The following TOPAZ1 variants were observed in gnomAD, a reference collection of about 807,000 sequenced individuals.
The protein encoded by TOPAZ1 is testis and ovary specific TOPAZ 1.
TOPAZ1 carries 66 observed loss-of-function variants against 172.2 expected under a neutral mutation model. The observed-to-expected ratio is 0.38, with a 90% CI of 0.31 to 0.47. The LOEUF is 0.47. Ranked by LOEUF, TOPAZ1 falls within the 20% of genes least tolerant of loss-of-function variation. The probability of loss-of-function intolerance (pLI) is 0.99; values close to 1 mark genes in which losing one functional copy is unlikely to be tolerated. For missense variants in TOPAZ1, 1,822 were observed against 1,972.4 expected (o/e 0.92, Z 1.44); for synonymous variants, 681 against 683.9 (o/e 1.00, Z 0.07).
At chr3:44,331,680 A>G (rs552116458) in intron 19 of TOPAZ1, 112 bp from the exon 20 acceptor site, 5 of 885,956 alleles carry the variant, frequency 5.6e-6, no homozygotes, top group African/African-American at 3.4e-5. Context: ...TTAGAAGAAC[A>G]TGGTGAGAAG....
chr3:44,243,828 C>T lies in TOPAZ1; in HGVS notation c.1322C>T (p.Ala441Val). The change falls in exon 2 of 20, where the codon GCA (alanine) becomes GTA (valine). Residue 441 changes from alanine (A) to valine (V), a missense_variant. Physicochemically the swap from Ala to Val is moderately conservative, Grantham distance 64. Transcript: ENST00000309765. ...ASEPLGYESMASKEDFKSMKS... is the reference protein window; with the variant it reads ...ASEPLGYESMVSKEDFKSMKS... ...GAGCCGTTAGGTTATGAAAGCATGG[C>T]ATCGAAAGAGGATTTTAAATCGATG... 6.4e-7 allele frequency: 1 copy of T among 1,551,636 alleles called. No homozygotes were observed. The highest frequency in any genetic ancestry group is 1.2e-5 in the South Asian group (1 of 84,000).
intron 17 of TOPAZ1, among the ~76,000 whole-genome samples, chr3:44,321,536 A>T (rs1011519646): frequency 2.6e-5 from 4 of 152,198 alleles, no homozygotes; most frequent in Non-Finnish European, 5.9e-5. Context: ...CTTAGTTTAC[A>T]TTACCTAGGA....
In TOPAZ1 at chr3:44,244,523, C is replaced by G. The variant is rs17646517; in HGVS notation, c.2017C>G (p.Pro673Ala). 0.021 allele frequency: 32,670 copies of G among 1,551,170 alleles called. 426 individuals are homozygous for G. The highest frequency in any genetic ancestry group is 0.024 in the Non-Finnish European group (27,251 of 1,146,850). ...ACIAQQTFIVPDLVKILNTGR... is the reference protein window; with the variant it reads ...ACIAQQTFIVADLVKILNTGR... ...CATTGCTCAACAAACATTTATAGTT[C>G]CAGACTTGGTTAAAATATTGAACAC... Residue 673 changes from proline to alanine, a missense_variant, in exon 2 of 20, where the codon CCA becomes GCA. This residue lies in a region of TOPAZ1 where 1,489 missense variants were observed against 1,490.8 expected (regional missense o/e 1.00). Coordinates refer to ENST00000309765, the MANE Select transcript of TOPAZ1 (RefSeq NM_001145030.2).
At chr3:44,251,432 T>C (rs960562393) in intron 2 of TOPAZ1, among the ~76,000 whole-genome samples, 2 of 152,200 alleles carry the variant, frequency 1.3e-5, no homozygotes, top group African/African-American at 4.8e-5. Context: ...CTAAACTTTT[T>C]CCTTGGGCAA....
intron 9 of TOPAZ1, among the ~76,000 whole-genome samples, chr3:44,285,426 A>G (rs1032828431): frequency 2.0e-5 from 3 of 152,120 alleles, no homozygotes; most frequent in Admixed American, 6.6e-5. Flanking sequence ...AGATCACAAC[A>G]CTGCACTCCA....
chr3:44,256,799 C>T (rs1203077929), intron 4 of TOPAZ1, among the ~76,000 whole-genome samples: 1 of 152,092 alleles, frequency 6.6e-6, no homozygotes, highest in Non-Finnish European at 1.5e-5. Context: ...ATCTGGCCCC[C>T]AAATTTGGGA....
chr3:44,272,786 C>T (rs997438406), intron 8 of TOPAZ1, among the ~76,000 whole-genome samples: 2 of 152,212 alleles, frequency 1.3e-5, no homozygotes, highest in Non-Finnish European at 2.9e-5. Context: ...GTCCCCATCT[C>T]CTGACCTCAT....
At chr3:44,331,197 A>G (rs1245334620) in intron 19 of TOPAZ1, among the ~76,000 whole-genome samples, 1 of 152,180 alleles carries the variant, frequency 6.6e-6, no homozygotes, top group South Asian at 2.1e-4. Context: ...GTTGCAGACT[A>G]TTTGTGTGGT....
At chr3:44,314,979 A>T (rs570147577) in intron 16 of TOPAZ1, among the ~76,000 whole-genome samples, 1 of 152,108 alleles carries the variant, frequency 6.6e-6, no homozygotes, top group Non-Finnish European at 1.5e-5. Flanking sequence ...TCGCTCCCCC[A>T]CTGCGTTCTT....
chr3:44,302,325 G>A (rs1167322069), intron 12 of TOPAZ1, among the ~76,000 whole-genome samples: 2 of 152,140 alleles, frequency 1.3e-5, no homozygotes, highest in African/African-American at 4.8e-5. Flanking sequence ...TAGGAGAATG[G>A]CGTGAACCCA....
chr3:44,267,229 G>A (rs1366054120), intron 6 of TOPAZ1, 93 bp downstream of exon 6: 24 of 886,330 alleles, frequency 2.7e-5, no homozygotes, highest in South Asian at 1.2e-4. Context: ...GATTAAAAAA[G>A]AAAAATGGAA....
At chr3:44,260,177 C>T (rs1000125651) in intron 4 of TOPAZ1, among the ~76,000 whole-genome samples, 4 of 152,178 alleles carry the variant, frequency 2.6e-5, no homozygotes, top group African/African-American at 9.7e-5. Flanking sequence ...GTCAATTAAA[C>T]CTCTTTCCTT....
At position 44,317,153 on chromosome 3, in the gene TOPAZ1, G is replaced by A. The variant is rs1316671219; in HGVS notation, c.4307-3874G>A. Among the ~76,000 whole-genome samples, 5 of 152,198 alleles carry A rather than the reference G, an allele frequency of 3.3e-5. No individual in the cohort carries two copies. In the South Asian group the frequency reaches 8.3e-4, roughly 25 times the overall value. Reference sequence around the variant, plus strand: ...ATGTATACCTTGGCTGGGCTTGGTGGCTCACGCCTGTAATCCCAGCACTTT... The same window carrying A: ...ATGTATACCTTGGCTGGGCTTGGTGACTCACGCCTGTAATCCCAGCACTTT... On this transcript the variant is annotated intron_variant, in intron 16 of 19. Transcript: ENST00000309765.
chr3:44,245,394 T>A, intron 2 of TOPAZ1, 123 bp downstream of exon 2: 1 of 991,756 alleles, frequency 1.0e-6, no homozygotes, highest in Non-Finnish European at 1.4e-6. Flanking sequence ...AATTATTTAT[T>A]AAATGTTATA....
chr3:44,336,308 T>C (rs561771135), downstream of TOPAZ1, among the ~76,000 whole-genome samples: 5 of 152,224 alleles, frequency 3.3e-5, no homozygotes, highest in Non-Finnish European at 7.3e-5. Context: ...AGCCTTTCAT[T>C]TTACAAGGGA....
Position 44,320,661 on chromosome 3 carries a change from T to C in TOPAZ1, c.4307-366T>C, listed in dbSNP as rs1461956966. 3.3e-5 allele frequency among the ~76,000 whole-genome samples: 5 copies of C among 152,330 alleles called. No individual in the cohort carries two copies. In the East Asian group the frequency reaches 5.8e-4, roughly 18 times the overall value. The stretch of plus-strand genomic sequence containing the variant: ...GTAATACCAAAAACTAATTAAATTA[T>C]TTATTGTGAAATTGTTAAACTTGTC... On this transcript the variant is annotated intron_variant, in intron 16 of 19. Coordinates refer to ENST00000309765, the MANE Select transcript of TOPAZ1 (RefSeq NM_001145030.2).
intron 6 of TOPAZ1, 36 bp from the exon 7 acceptor site, chr3:44,269,180 A>C: frequency 9.1e-7 from 1 of 1,098,034 alleles, no homozygotes; most frequent in Non-Finnish European, 1.4e-6. Context: ...AAGTTGTAAC[A>C]TATTGGTGTG....
chr3:44,285,519 T>C (rs1257415377), intron 9 of TOPAZ1, among the ~76,000 whole-genome samples: 1 of 152,072 alleles, frequency 6.6e-6, no homozygotes, highest in African/African-American at 2.4e-5. Flanking sequence ...TCAAAATGTA[T>C]TAAAATGTTC....
At chr3:44,288,343 C>T (rs974606859) in intron 11 of TOPAZ1, among the ~76,000 whole-genome samples, 3 of 151,980 alleles carry the variant, frequency 2.0e-5, no homozygotes, top group African/African-American at 7.2e-5. Flanking sequence ...CCTCAGATTT[C>T]ACATTACAAA....
Sources: allele counts gnomAD v4.1 joint callset (sites outside exome capture counted in the v4.1 genomes callset), GRCh38; gene constraint gnomAD v4.1.1; regional missense constraint gnomAD v4.1.1; transcripts MANE v1.5; gene names NCBI Gene and HGNC (gene_info 2026-07-23, HGNC 2026-07-21).